ATL2: variants seen among roughly 807,000 people sequenced by gnomAD.
The protein encoded by ATL2 is atlastin GTPase 2.
Under a neutral mutation model 73.9 loss-of-function variants are expected in ATL2, and 31 were observed. The observed-to-expected ratio is 0.42, with a 90% confidence interval of 0.32 to 0.57. ATL2 has a LOEUF of 0.57. Among genes scored for constraint, ATL2 ranks in the 20% least tolerant of loss-of-function variants. The pLI is 0.14. For missense variants in ATL2, 738 were observed against 702.6 expected (o/e 1.05, Z -0.57); for synonymous variants, 291 against 237.5 (o/e 1.23, Z -2.07).
chr2:38,362,169 C>T (rs1213916771), intron 1 of ATL2, among the ~76,000 whole-genome samples: 5 of 152,104 alleles, frequency 3.3e-5, no homozygotes, highest in African/African-American at 1.2e-4. Context: ...CTTGTTTTTG[C>T]TTGGGAAAGG....
At chr2:38,366,838 A>T (rs998017505) in intron 1 of ATL2, among the ~76,000 whole-genome samples, 1 of 152,182 alleles carries the variant, frequency 6.6e-6, no homozygotes, top group African/African-American at 2.4e-5. Context: ...AAGGGAAAAA[A>T]GCTAATTATT....
chr2:38,378,325 A>C (rs1475124702), upstream of ATL2, among the ~76,000 whole-genome samples: 1 of 152,126 alleles, frequency 6.6e-6, no homozygotes, highest in East Asian at 1.9e-4. Context: ...ATGGTGGCTC[A>C]CGCCTCCCGG....
At chr2:38,365,998 G>C (rs769595694) in intron 1 of ATL2, among the ~76,000 whole-genome samples, 2 of 149,074 alleles carry the variant, frequency 1.3e-5, no homozygotes, top group Non-Finnish European at 3.0e-5. Context: ...GCTCAATACA[G>C]ACAAAATTCC....
At chr2:38,298,739 T>C (rs1011183249) in intron 11 of ATL2, among the ~76,000 whole-genome samples, 164 bp from the exon 12 acceptor site, 1 of 152,210 alleles carries the variant, frequency 6.6e-6, no homozygotes, top group African/African-American at 2.4e-5. Flanking sequence ...AGTTATTGTT[T>C]ATATGTTGAA....
chr2:38,369,364 CAG>C (rs1423467831), intron 1 of ATL2, among the ~76,000 whole-genome samples: 6 of 152,122 alleles, frequency 3.9e-5, no homozygotes, highest in South Asian at 4.1e-4. Flanking sequence ...GCACGAGAAT[CAG>C]TTGAACTCAG....
chr2:38,335,779 C>A (rs1460321235), intron 2 of ATL2, among the ~76,000 whole-genome samples: 1 of 152,280 alleles, frequency 6.6e-6, no homozygotes, highest in South Asian at 2.1e-4. Flanking sequence ...CGGTGGCTCA[C>A]GCCTGTAATC....
At chr2:38,363,715 C>A (rs1301957818) in intron 1 of ATL2, among the ~76,000 whole-genome samples, 2 of 152,150 alleles carry the variant, frequency 1.3e-5, no homozygotes, top group Admixed American at 6.5e-5. Flanking sequence ...GGAAGACCTC[C>A]CATCCTACCT....
intron 1 of ATL2, among the ~76,000 whole-genome samples, chr2:38,369,989 A>C (rs1473064760): frequency 6.7e-6 from 1 of 149,416 alleles, no homozygotes; most frequent in Non-Finnish European, 1.5e-5. Flanking sequence ...GTCTCTACTA[A>C]AAAAAATACA....
intron 1 of ATL2, among the ~76,000 whole-genome samples, chr2:38,344,915 C>A (rs1669936220): frequency 6.6e-6 from 1 of 152,132 alleles, no homozygotes; most frequent in South Asian, 2.1e-4. Flanking sequence ...TTGTTCACCA[C>A]AACACATTAA....
chr2:38,299,087 T>C (rs146506895), intron 11 of ATL2, among the ~76,000 whole-genome samples, 169 bp downstream of exon 11: 1 of 152,330 alleles, frequency 6.6e-6, no homozygotes, highest in African/African-American at 2.4e-5. Flanking sequence ...ATAATGTGAA[T>C]TATTTTCTTA....
At chr2:38,368,011 T>G (rs1439770695) in intron 1 of ATL2, among the ~76,000 whole-genome samples, 1 of 150,484 alleles carries the variant, frequency 6.6e-6, no homozygotes, top group African/African-American at 2.5e-5. Context: ...CTCGGCTCAC[T>G]GCAAGCTCCA....
intron 1 of ATL2, among the ~76,000 whole-genome samples, chr2:38,363,315 T>C (rs1009497473): frequency 6.8e-6 from 1 of 147,922 alleles, no homozygotes; most frequent in African/African-American, 2.5e-5. Flanking sequence ...ATATGCTCAG[T>C]ACTTCTAGAA....
At chr2:38,337,912 C>T (rs1049164314) in intron 2 of ATL2, among the ~76,000 whole-genome samples, 1 of 152,074 alleles carries the variant, frequency 6.6e-6, no homozygotes, top group Non-Finnish European at 1.5e-5. Flanking sequence ...GTAATAATAG[C>T]TATCACCATT....
At chr2:38,330,445 A>G (rs1335790019) in intron 2 of ATL2, among the ~76,000 whole-genome samples, 1 of 152,186 alleles carries the variant, frequency 6.6e-6, no homozygotes, top group Non-Finnish European at 1.5e-5. Flanking sequence ...GTTCCCAGGT[A>G]AGAAAGAAAG....
At chr2:38,329,423 C>CAAAAAAAAAAAAAAAAAAAA (rs70954711) in intron 2 of ATL2, among the ~76,000 whole-genome samples, 7 of 13,670 alleles carry the variant, frequency 5.1e-4, no homozygotes, top group African/African-American at 9.4e-4. Flanking sequence ...ACTCCATCTC[C>CAAAAAAAAAAAAAAAAAAAA]AAAAAAAAAA....
rs1371294091 is a variant in ATL2 at position 38,317,544 on chromosome 2, T to C, written c.603+991A>G. On this transcript the variant is annotated intron_variant, in intron 4 of 12. Transcript: ENST00000378954. ...TCCTAAATGAAGGTGCTAAAAATCC[T>C]CAGTTTATTATTACATAAGCCTTGT... Among the ~76,000 whole-genome samples, 16 of 152,324 alleles carry C rather than the reference T, an allele frequency of 1.1e-4. No homozygotes were observed. In the East Asian group the frequency reaches 2.5e-3, roughly 24 times the overall value.
intron 10 of ATL2, among the ~76,000 whole-genome samples, chr2:38,299,549 T>A (rs1166758936): frequency 6.6e-6 from 1 of 152,170 alleles, no homozygotes; most frequent in Admixed American, 6.5e-5. Flanking sequence ...TAGGTTGATG[T>A]TAAAGTGTGT....
chr2:38,359,966 A>G (rs1670909866), intron 1 of ATL2, among the ~76,000 whole-genome samples: 1 of 151,894 alleles, frequency 6.6e-6, no homozygotes, highest in Non-Finnish European at 1.5e-5. Context: ...CGTCTCTACT[A>G]AAAATACCAA....
In ATL2 at chr2:38,336,438, T is replaced by A. The variant is rs139209022; in HGVS notation, c.363+6830A>T. Among the ~76,000 whole-genome samples the A allele has an allele frequency of 7.6e-4, 116 of 152,320 alleles. 1 individual carries two copies. The highest frequency in any genetic ancestry group is 2.6e-3 in the African/African-American group (110 of 41,572). On this transcript the variant is annotated intron_variant, in intron 2 of 12. Transcript: ENST00000378954. The stretch of plus-strand genomic sequence containing the variant: ...TCTTGAGTAGCAAATACAGCAAGGA[T>A]CCTTTATTTATTGAGCTTAGATACC...
Sources: gnomAD v4.1 joint callset for allele counts (sites outside exome capture counted in the v4.1 genomes callset) on GRCh38, gnomAD v4.1.1 for gene constraint, MANE v1.5 for transcripts, NCBI Gene and HGNC (gene_info 2026-07-23, HGNC 2026-07-21) for gene names.